SNAPC3: variants seen among roughly 807,000 people sequenced by gnomAD.
The protein encoded by SNAPC3 is small nuclear RNA activating complex polypeptide 3, also known as snRNA-activating protein complex subunit 3.
SNAPC3 carries 56 observed loss-of-function variants against 47.7 expected under a neutral mutation model. That is an observed-to-expected ratio of 1.18 (90% confidence interval 0.95 to 1.47). The LOEUF is 1.47. Ranked by LOEUF, SNAPC3 falls within the 40% of genes most tolerant of loss-of-function variation. The pLI, the probability that SNAPC3 is intolerant of heterozygous loss-of-function variation, is 0.00. For missense variants in SNAPC3, 665 were observed against 511.3 expected, an observed-to-expected ratio of 1.30 and a Z score of -2.90; for synonymous variants, 235 against 189.9, an observed-to-expected ratio of 1.24 and a Z score of -1.95.
chr9:15,459,441 C>G (rs544714731), intron 8 of SNAPC3, among the ~76,000 whole-genome samples: 1 of 152,094 alleles, frequency 6.6e-6, no homozygotes, highest in Non-Finnish European at 1.5e-5. Context: ...ATGTGTGATG[C>G]TTTCAAATAG....
At chr9:15,462,272 T>G (rs2035274009), downstream of SNAPC3, 1 of 152,176 alleles carries the variant, frequency 6.6e-6, no homozygotes, top group South Asian at 2.1e-4. Context: ...AAGGTTAAGT[T>G]TTTCATCAAA....
At chr9:15,464,364 C>T (rs2035464546), downstream of SNAPC3, 3 of 194,746 alleles carry the variant, frequency 1.5e-5, no homozygotes, top group Non-Finnish European at 2.1e-5. Flanking sequence ...GAGAAGTATC[C>T]TACTTGCTGA....
intron 5 of SNAPC3, among the ~76,000 whole-genome samples, chr9:15,448,731 C>G (rs924335527): frequency 1.5e-4 from 23 of 152,156 alleles, no homozygotes; most frequent in African/African-American, 5.1e-4. Flanking sequence ...GGGTTGCCAT[C>G]TCAGTGCTTT....
intron 2 of SNAPC3, chr9:15,432,151 C>T (rs562512486): frequency 6.6e-6 from 1 of 152,194 alleles, no homozygotes; most frequent in South Asian, 2.1e-4. Flanking sequence ...AGCTGGATTT[C>T]TCACTTGTGG....
chr9:15,430,875 C>T (rs2032052594), intron 2 of SNAPC3, among the ~76,000 whole-genome samples: 1 of 152,176 alleles, frequency 6.6e-6, no homozygotes, highest in Non-Finnish European at 1.5e-5. Flanking sequence ...GTATATGCCA[C>T]CTTTCATGTA....
chr9:15,431,372 A>G (rs1436186261), intron 2 of SNAPC3, among the ~76,000 whole-genome samples: 3 of 152,152 alleles, frequency 2.0e-5, no homozygotes, highest in South Asian at 4.1e-4. Flanking sequence ...TCTGTTTGCT[A>G]TTATTCTATA....
chr9:15,453,623 A>G (rs1352494507), intron 7 of SNAPC3: 1 of 153,902 alleles, frequency 6.5e-6, no homozygotes, highest in African/African-American at 2.4e-5. Flanking sequence ...TATTTGACAA[A>G]TGTGAAGTCT....
chr9:15,442,268 G>C (rs1306428148), intron 3 of SNAPC3, among the ~76,000 whole-genome samples: 1 of 148,152 alleles, frequency 6.7e-6, no homozygotes, highest in South Asian at 2.2e-4. Flanking sequence ...CCTCCCTCCT[G>C]GATGGGGCGG....
chr9:15,440,022 T>C (rs552730393), intron 3 of SNAPC3, among the ~76,000 whole-genome samples: 1 of 152,366 alleles, frequency 6.6e-6, no homozygotes, highest in African/African-American at 2.4e-5. Context: ...TTGTTGAACA[T>C]TTGTGTCAGT....
chr9:15,429,543 A>G (rs529465876), intron 2 of SNAPC3, among the ~76,000 whole-genome samples: 9 of 152,324 alleles, frequency 5.9e-5, no homozygotes, highest in Non-Finnish European at 1.2e-4. Flanking sequence ...GCAGAGGAAA[A>G]AAAACCTGAC....
intron 1 of SNAPC3, 40 bp downstream of exon 1, chr9:15,423,233 A>G: frequency 6.5e-7 from 1 of 1,527,468 alleles, no homozygotes. Context: ...CTTGGGGTCA[A>G]ACAGGGTGCA....
chr9:15,430,423 C>A (rs1370641841), intron 2 of SNAPC3, among the ~76,000 whole-genome samples: 1 of 151,678 alleles, frequency 6.6e-6, no homozygotes. Context: ...CAGAAAAAGA[C>A]CCTGTCAAAA....
intron 3 of SNAPC3, among the ~76,000 whole-genome samples, chr9:15,443,219 C>G (rs998489460): frequency 6.6e-6 from 1 of 152,048 alleles, no homozygotes; most frequent in South Asian, 2.1e-4. Flanking sequence ...GGAGAGGGAG[C>G]TAACGTCTTT....
At chr9:15,466,282 G>C (rs1412472901), downstream of SNAPC3, among the ~76,000 whole-genome samples, 1 of 151,888 alleles carries the variant, frequency 6.6e-6, no homozygotes, top group African/African-American at 2.4e-5. Context: ...GGGAGGCTGA[G>C]GCAGGAGAAT....
chr9:15,455,848 G>C (rs1157489338), intron 7 of SNAPC3, among the ~76,000 whole-genome samples: 1 of 151,884 alleles, frequency 6.6e-6, no homozygotes, highest in East Asian at 1.9e-4. Flanking sequence ...ACAGGCACGT[G>C]CCACCTTGTC....
chr9:15,433,522 A>ATTT, intron 2 of SNAPC3, 30 bp from the exon 3 acceptor site: 1 of 1,153,910 alleles, frequency 8.7e-7, no homozygotes, highest in Non-Finnish European at 1.2e-6. Context: ...TTGAACTTTG[A>ATTT]TTTTTTTTTT....
intron 2 of SNAPC3, among the ~76,000 whole-genome samples, chr9:15,428,138 C>T (rs1683838347): frequency 7.3e-6 from 1 of 136,344 alleles, no homozygotes; most frequent in African/African-American, 2.7e-5. Flanking sequence ...AAAAAACTGT[C>T]AAACAGCTCT....
chr9:15,429,973 C>T (rs1303536841), intron 2 of SNAPC3, among the ~76,000 whole-genome samples: 1 of 152,086 alleles, frequency 6.6e-6, no homozygotes, highest in African/African-American at 2.4e-5. Context: ...AGTATTCAAG[C>T]CCCAAAGTAT....
rs374343723 is a variant in SNAPC3 at position 15,429,063 on chromosome 9, T to C, written c.393-4489T>C. On this transcript the variant is annotated intron_variant, in intron 2 of 8. Coordinates refer to ENST00000380821, the MANE Select transcript of SNAPC3 (RefSeq NM_001039697.2). ...TTGGGATATATTTTAGTACAACTATTAGATTTCAGAGATAAAGATGAAATC... is the reference window on the plus strand; with the variant it reads ...TTGGGATATATTTTAGTACAACTATCAGATTTCAGAGATAAAGATGAAATC... Among the ~76,000 whole-genome samples, 13 of 152,254 alleles carry C rather than the reference T, an allele frequency of 8.5e-5. No individual in the cohort carries two copies. The East Asian group carries it at 1.3e-3, about 16-fold the overall frequency.
Sources: allele counts gnomAD v4.1 joint callset (sites outside exome capture counted in the v4.1 genomes callset), GRCh38; gene constraint gnomAD v4.1.1; transcripts MANE v1.5; gene names NCBI Gene and HGNC (gene_info 2026-07-23, HGNC 2026-07-21).